Variants in IL17A observed in about 807,000 individuals in gnomAD.
The protein encoded by IL17A is interleukin 17A.
Under a neutral mutation model 7.2 loss-of-function variants are expected in IL17A, and 1 was observed. That is an observed-to-expected ratio of 0.14 (90% CI 0.05 to 0.66). IL17A has a LOEUF of 0.66. Ranked by LOEUF, IL17A falls within the 30% of genes least tolerant of loss-of-function variation. IL17A has a pLI of 0.84. For missense variants in IL17A, 191 were observed against 197.1 expected, an observed-to-expected ratio of 0.97 and a Z score of 0.18; for synonymous variants, 90 against 77.7, an observed-to-expected ratio of 1.16 and a Z score of -0.83.
Position 52,189,256 on chromosome 6 carries a change from C to T in IL17A, c.432C>T (p.Cys144=), listed in dbSNP as rs769862840. 6.2e-7 allele frequency: 1 copy of T among 1,613,976 alleles called. No individual in the cohort carries two copies. The highest frequency in any genetic ancestry group is 8.5e-7 in the Non-Finnish European group (1 of 1,179,984). The change falls in exon 3 of 3, where the codon TGC becomes TGT. Residue 144 remains cysteine (C), a synonymous_variant. Coordinates refer to ENST00000648244, the MANE Select transcript of IL17A (RefSeq NM_002190.3). ...AGAAGATACTGGTGTCCGTGGGCTGCACCTGTGTCACCCCGATTGTCCACC... is the reference window on the plus strand; with the variant it reads ...AGAAGATACTGGTGTCCGTGGGCTGTACCTGTGTCACCCCGATTGTCCACC... ...RLEKILVSVG[C]TCVTPIVHHV...
chr6:52,186,557 A>T, intron 1 of IL17A, 99 bp downstream of exon 1: 1 of 1,078,262 alleles, frequency 9.3e-7, no homozygotes, highest in Non-Finnish European at 1.4e-6. Context: ...ATGGAGATCC[A>T]GGAATACTGT....
intron 2 of IL17A, among the ~76,000 whole-genome samples, chr6:52,188,766 G>C (rs1763325338): frequency 6.8e-6 from 1 of 146,820 alleles, no homozygotes; most frequent in African/African-American, 2.4e-5. Flanking sequence ...GCTATCATTT[G>C]TGTCAAACTT....
At chr6:52,186,543 G>T in intron 1 of IL17A, 85 bp downstream of exon 1, 1 of 1,259,594 alleles carries the variant, frequency 7.9e-7, no homozygotes, top group South Asian at 1.2e-5. Context: ...GCTGGGTTCT[G>T]ACTATGGAGA....
chr6:52,190,459 C>G lies in IL17A; in HGVS notation c.*1167C>G, dbSNP rs1489414458. 2 of 152,170 alleles carry G rather than the reference C, an allele frequency of 1.3e-5. No homozygotes were observed. The highest frequency in any genetic ancestry group is 3.9e-4 in the East Asian group (2 of 5,190). 9.4% of individuals were successfully genotyped at this position (152,170 alleles called of 1,614,324 possible). On this transcript the variant is annotated 3_prime_UTR_variant, in exon 3 of 3. Coordinates refer to ENST00000648244, the MANE Select transcript of IL17A (RefSeq NM_002190.3). ...TCAACAGACCAACATTTTTCTCTTC[C>G]TCAAGCAACACTCCTAGGGCCTGGC... is the stretch of plus-strand genomic sequence containing the variant.
chr6:52,187,478 G>T, intron 1 of IL17A, 125 bp from the exon 2 acceptor site: 5 of 812,294 alleles, frequency 6.2e-6, no homozygotes, highest in Non-Finnish European at 8.4e-6. Context: ...ATGTAGTATA[G>T]ATTGTCCTGG....
intron 2 of IL17A, among the ~76,000 whole-genome samples, chr6:52,188,789 T>C (rs1304576320): frequency 6.6e-6 from 1 of 152,106 alleles, no homozygotes; most frequent in Non-Finnish European, 1.5e-5. Context: ...ATTTTTTCTG[T>C]GGCCTCAGTC....
intron 1 of IL17A, 112 bp downstream of exon 1, chr6:52,186,570 A>G: frequency 1.1e-6 from 1 of 928,546 alleles, no homozygotes; most frequent in Non-Finnish European, 1.7e-6. Context: ...AATACTGTAT[A>G]TGTAGGATAG....
intron 1 of IL17A, 114 bp from the exon 2 acceptor site, chr6:52,187,489 A>T (rs1281442979): frequency 1.2e-6 from 1 of 868,450 alleles, no homozygotes; most frequent in African/African-American, 1.7e-5. Context: ...ATTGTCCTGG[A>T]ACATTGTGTG....
chr6:52,189,180 T>C lies in IL17A; in HGVS notation c.356T>C (p.Ile119Thr). The change falls in exon 3 of 3, where the codon ATC becomes ACC. Residue 119 changes from isoleucine to threonine, a missense_variant. Coordinates refer to ENST00000648244, the MANE Select transcript of IL17A (RefSeq NM_002190.3). ...HMNSVPIQQE[I>T]LVLRREPPHC... Reference sequence around the variant, plus strand: ...AACTCTGTCCCCATCCAGCAAGAGATCCTGGTCCTGCGCAGGGAGCCTCCA... The same window carrying C: ...AACTCTGTCCCCATCCAGCAAGAGACCCTGGTCCTGCGCAGGGAGCCTCCA... The C allele has an allele frequency of 2.5e-6, 4 of 1,614,112 alleles. No homozygotes were observed. Among genetic ancestry groups the C allele is most frequent in the Non-Finnish European group, 3.4e-6 (4 of 1,179,988 alleles).
rs1177618932 is a variant in IL17A, at chr6:52,189,705, G to T, written c.*413G>T. On this transcript the variant is annotated 3_prime_UTR_variant, in exon 3 of 3. Transcript: ENST00000648244. Reference sequence around the variant, plus strand: ...AAAGGTAAAACCTGTATTTATTTGAGCTATTTAAGGATCTATTTATGTTTA... The same window carrying T: ...AAAGGTAAAACCTGTATTTATTTGATCTATTTAAGGATCTATTTATGTTTA... The T allele has an allele frequency of 6.3e-6, 1 of 158,592 alleles. No individual in the cohort carries two copies. Among genetic ancestry groups the T allele is most frequent in the Non-Finnish European group, 1.4e-5 (1 of 72,630 alleles). 9.8% of individuals were successfully genotyped at this position (158,592 alleles called of 1,614,324 possible).
Position 52,189,181 on chromosome 6 carries a change from C to G in IL17A, c.357C>G (p.Ile119Met). ...HMNSVPIQQE[I>M]LVLRREPPHC... ...ACTCTGTCCCCATCCAGCAAGAGAT[C>G]CTGGTCCTGCGCAGGGAGCCTCCAC... The change falls in exon 3 of 3, where the codon ATC becomes ATG. Residue 119 changes from isoleucine to methionine, a missense_variant. Transcript: ENST00000648244. 6.2e-7 allele frequency: 1 copy of G among 1,614,154 alleles called. No individual in the cohort carries two copies. Among genetic ancestry groups the G allele is most frequent in the Non-Finnish European group, 8.5e-7 (1 of 1,179,998 alleles).
intron 1 of IL17A, among the ~76,000 whole-genome samples, chr6:52,187,013 A>G (rs1763296483): frequency 6.6e-6 from 1 of 152,220 alleles, no homozygotes; most frequent in Non-Finnish European, 1.5e-5. Context: ...GAATCAATAC[A>G]TGTTAAATTT....
chr6:52,189,199 G>A lies in IL17A; in HGVS notation c.375G>A (p.Glu125=). ...IQQEILVLRR[E]PPHCPNSFRL... Reference sequence around the variant, plus strand: ...AAGAGATCCTGGTCCTGCGCAGGGAGCCTCCACACTGCCCCAACTCCTTCC... The same window carrying A: ...AAGAGATCCTGGTCCTGCGCAGGGAACCTCCACACTGCCCCAACTCCTTCC... The change falls in exon 3 of 3, where the codon GAG becomes GAA. Residue 125 remains glutamate (E), a synonymous_variant. Coordinates refer to ENST00000648244, the MANE Select transcript of IL17A (RefSeq NM_002190.3). 1 of 1,614,156 alleles carries A rather than the reference G, an allele frequency of 6.2e-7. No individual in the cohort carries two copies. Among genetic ancestry groups the A allele is most frequent in the Non-Finnish European group, 8.5e-7 (1 of 1,180,020 alleles).
rs752214483 is a variant in IL17A, at chr6:52,187,857, T to C, written c.230+52T>C. On this transcript the variant is annotated intron_variant, in intron 2 of 2. Transcript: ENST00000648244. ...CTATATTCTTCATCCCTCTTATGCA[T>C]CAGACTGCCAGTTAAATCTCCCTGA... 1.1e-5 allele frequency: 15 copies of C among 1,396,262 alleles called. No homozygotes were observed. The East Asian group carries it at 3.4e-4, about 32-fold the overall frequency. 86.5% of individuals were successfully genotyped at this position (1,396,262 alleles called of 1,614,324 possible).
Position 52,189,334 on chromosome 6 carries a change from G to A in IL17A, c.*42G>A, listed in dbSNP as rs771164948. The A allele has an allele frequency of 6.7e-7, 1 of 1,503,312 alleles. No individual in the cohort carries two copies. Among genetic ancestry groups the A allele is most frequent in the South Asian group, 1.1e-5 (1 of 87,780 alleles). 93.1% of individuals were successfully genotyped at this position (1,503,312 alleles called of 1,614,324 possible). Reference sequence around the variant, plus strand: ...ACACTCCCCAAAGCAGTTAGACTATGGAGAGCCGACCCAGCCCCTCAGGAA... The same window carrying A: ...ACACTCCCCAAAGCAGTTAGACTATAGAGAGCCGACCCAGCCCCTCAGGAA... On this transcript the variant is annotated 3_prime_UTR_variant, in exon 3 of 3. Transcript: ENST00000648244.
At position 52,189,359 on chromosome 6, in the gene IL17A, A is replaced by T. The variant is rs1763338607; in HGVS notation, c.*67A>T. ...GGAGAGCCGACCCAGCCCCTCAGGAACCCTCATCCTTCAAAGACAGCCTCA... is the reference window on the plus strand; with the variant it reads ...GGAGAGCCGACCCAGCCCCTCAGGATCCCTCATCCTTCAAAGACAGCCTCA... On this transcript the variant is annotated 3_prime_UTR_variant, in exon 3 of 3. Coordinates refer to ENST00000648244, the MANE Select transcript of IL17A (RefSeq NM_002190.3). 11 of 1,172,188 alleles carry T rather than the reference A, an allele frequency of 9.4e-6. 1 individual carries two copies. In the Admixed American group the frequency reaches 2.1e-4, roughly 23 times the overall value. 72.6% of individuals were successfully genotyped at this position (1,172,188 alleles called of 1,614,324 possible). A position where few individuals can be genotyped will look rare whatever the true frequency, so the allele number is the denominator to read the frequency against.
chr6:52,188,791 GC>G (rs1763325953), intron 2 of IL17A, among the ~76,000 whole-genome samples: 1 of 150,860 alleles, frequency 6.6e-6, no homozygotes, highest in African/African-American at 2.4e-5. Flanking sequence ...TTTTTCTGTG[GC>G]CTCAGTCTAT....
At position 52,189,300 on chromosome 6, in the gene IL17A, G is replaced by A. The variant is rs1763336936; in HGVS notation, c.*8G>A. On this transcript the variant is annotated 3_prime_UTR_variant, in exon 3 of 3. Coordinates refer to ENST00000648244, the MANE Select transcript of IL17A (RefSeq NM_002190.3). ...GTCCACCATGTGGCCTAAGAGCTCT[G>A]GGGAGCCCACACTCCCCAAAGCAGT... 6.2e-7 allele frequency: 1 copy of A among 1,609,992 alleles called. No individual in the cohort carries two copies. The highest frequency in any genetic ancestry group is 8.5e-7 in the Non-Finnish European group (1 of 1,176,736).
At chr6:52,187,119 A>G (rs1280297064) in intron 1 of IL17A, among the ~76,000 whole-genome samples, 1 of 152,222 alleles carries the variant, frequency 6.6e-6, no homozygotes, top group African/African-American at 2.4e-5. Flanking sequence ...TAGCATGAAT[A>G]TTGATACCAC....
Sources: allele counts gnomAD v4.1 joint callset (sites outside exome capture counted in the v4.1 genomes callset), GRCh38; gene constraint gnomAD v4.1.1; transcripts MANE v1.5; gene names NCBI Gene and HGNC (gene_info 2026-07-23, HGNC 2026-07-21).